PRPSAP2: variants seen among roughly 807,000 people sequenced by gnomAD.
The protein encoded by PRPSAP2 is phosphoribosyl pyrophosphate synthase-associated protein 2.
In PRPSAP2, 24 loss-of-function variants were observed where a neutral mutation model predicts 40.6. The observed-to-expected ratio is 0.59, with a 90% CI of 0.43 to 0.83. The LOEUF (loss-of-function observed/expected upper bound fraction) is 0.83, where lower values mean the gene tolerates loss of function less well. Ranked by LOEUF, PRPSAP2 falls within the 40% of genes least tolerant of loss-of-function variation. The pLI, the probability that PRPSAP2 is intolerant of heterozygous loss-of-function variation, is 0.00. For synonymous variants in PRPSAP2, 149 were observed against 164.7 expected, an observed-to-expected ratio of 0.90 and a Z score of 0.73; for missense variants, 292 against 465.6, an observed-to-expected ratio of 0.63 and a Z score of 3.43.
chr17:18,917,605 T>TA (rs1272083524), intron 9 of PRPSAP2: 23 of 115,136 alleles, frequency 2.0e-4, no homozygotes, highest in Non-Finnish European at 3.9e-4. Context: ...TTTTTTTTTT[T>TA]TTTTTTTTTT....
At chr17:18,927,939 T>C (rs11658590) in intron 10 of PRPSAP2, among the ~76,000 whole-genome samples, 9,750 of 152,150 alleles carry the variant, frequency 0.064, 456 homozygotes, top group Middle Eastern at 0.12. Context: ...CCTCCATGCA[T>C]GGCTAATTTT....
At chr17:18,883,371 C>T (rs1188965369) in intron 7 of PRPSAP2, among the ~76,000 whole-genome samples, 1 of 147,982 alleles carries the variant, frequency 6.8e-6, no homozygotes, top group Non-Finnish European at 1.5e-5. Context: ...TTATACTGTA[C>T]TTAGCTATTT....
intron 10 of PRPSAP2, among the ~76,000 whole-genome samples, chr17:18,925,344 T>C (rs1237565280): frequency 6.6e-6 from 1 of 152,230 alleles, no homozygotes; most frequent in Non-Finnish European, 1.5e-5. Flanking sequence ...CCTCAGAGGT[T>C]GTCACTGATG....
At chr17:18,892,916 TG>T (rs1322829926) in intron 8 of PRPSAP2, among the ~76,000 whole-genome samples, 1 of 151,568 alleles carries the variant, frequency 6.6e-6, no homozygotes, top group African/African-American at 2.4e-5. Flanking sequence ...TATATTTTTA[TG>T]TGCTTTTTGG....
chr17:18,913,664 C>A (rs1228732492), intron 9 of PRPSAP2, among the ~76,000 whole-genome samples: 1 of 148,412 alleles, frequency 6.7e-6, no homozygotes, highest in African/African-American at 2.5e-5. Context: ...CCTCCCACTT[C>A]AGCCTCATGA....
intron 8 of PRPSAP2, among the ~76,000 whole-genome samples, chr17:18,903,220 G>A (rs1047832556): frequency 6.6e-6 from 1 of 151,460 alleles, no homozygotes; most frequent in Non-Finnish European, 1.5e-5. Context: ...CTGAGGTCAG[G>A]AGAATTGCTT....
At chr17:18,883,622 G>T (rs1034069719) in intron 7 of PRPSAP2, among the ~76,000 whole-genome samples, 1 of 151,900 alleles carries the variant, frequency 6.6e-6, no homozygotes, top group Non-Finnish European at 1.5e-5. Flanking sequence ...CGCTGACCTC[G>T]TGATCTGCCT....
chr17:18,909,456 G>A (rs1311771404), intron 8 of PRPSAP2, among the ~76,000 whole-genome samples: 1 of 151,770 alleles, frequency 6.6e-6, no homozygotes, highest in Non-Finnish European at 1.5e-5. Context: ...GTGTTAGCCA[G>A]GATGGTCTTG....
At chr17:18,893,392 G>T (rs1217307467) in intron 8 of PRPSAP2, among the ~76,000 whole-genome samples, 1 of 151,528 alleles carries the variant, frequency 6.6e-6, no homozygotes, top group African/African-American at 2.4e-5. Flanking sequence ...CTCGTGATCC[G>T]CCTGCCTTGG....
At chr17:18,907,251 G>T (rs2040652229) in intron 8 of PRPSAP2, among the ~76,000 whole-genome samples, 2 of 152,090 alleles carry the variant, frequency 1.3e-5, no homozygotes. Context: ...CAGGAATCAG[G>T]AGTGGCTGTA....
rs1201494941 is a variant in PRPSAP2, at chr17:18,911,516, A to G, written c.733+265A>G. Among the ~76,000 whole-genome samples the G allele has an allele frequency of 6.6e-6, 1 of 152,176 alleles. No homozygotes were observed. Among genetic ancestry groups the G allele is most frequent in the Non-Finnish European group, 1.5e-5 (1 of 68,022 alleles). On this transcript the variant is annotated intron_variant, in intron 9 of 11. Coordinates refer to ENST00000268835, the MANE Select transcript of PRPSAP2 (RefSeq NM_002767.4). This position sits in a 1 kb window ranked among gnomAD's most constrained non-coding sequence, Gnocchi z 4.5. Reference sequence around the variant, plus strand: ...TGCAATGCTTCAGGGAAGTCCATTCATTCATTCAGCAGTATATACTAGAGT... The same window carrying G: ...TGCAATGCTTCAGGGAAGTCCATTCGTTCATTCAGCAGTATATACTAGAGT...
chr17:18,909,294 T>G (rs2040807233), intron 8 of PRPSAP2, among the ~76,000 whole-genome samples: 2 of 143,918 alleles, frequency 1.4e-5, no homozygotes, highest in Admixed American at 7.5e-5. Flanking sequence ...CAGGCTGGAG[T>G]GCATTGGCAC....
intron 6 of PRPSAP2, among the ~76,000 whole-genome samples, chr17:18,881,516 G>A (rs1567692248): frequency 6.6e-6 from 1 of 152,022 alleles, no homozygotes; most frequent in African/African-American, 2.4e-5. Context: ...GGGATTACAG[G>A]CGTGAGCCAC....
rs754467494 is a variant in PRPSAP2, at chr17:18,872,667, G to A, written c.239+18G>A. ...GTTTCGAAGTGAGTATCCAGCAAAA[G>A]TGTTGCTTTCTGGGTTTCAGTTTAG... On this transcript the variant is annotated intron_variant, in intron 5 of 11. Coordinates refer to ENST00000268835, the MANE Select transcript of PRPSAP2 (RefSeq NM_002767.4). 6 of 1,565,498 alleles carry A rather than the reference G, an allele frequency of 3.8e-6. No homozygotes were observed. In the African/African-American group the frequency reaches 8.1e-5, roughly 21 times the overall value.
At position 18,887,623 on chromosome 17, in the gene PRPSAP2, G is replaced by T. The variant is rs150582192; in HGVS notation, c.529-2199G>T. ...GAACTATTAGGTCCTGAAAATTTTG[G>T]ATCTAGTCTCTATAACTTTTAAAAA... is the stretch of plus-strand genomic sequence containing the variant. On this transcript the variant is annotated intron_variant, in intron 7 of 11. Coordinates refer to ENST00000268835, the MANE Select transcript of PRPSAP2 (RefSeq NM_002767.4). Among the ~76,000 whole-genome samples, 706 of 152,124 alleles carry T rather than the reference G, an allele frequency of 4.6e-3. 2 individuals carry two copies. The highest frequency in any genetic ancestry group is 5.1e-3 in the Non-Finnish European group (344 of 67,982).
intron 9 of PRPSAP2, among the ~76,000 whole-genome samples, chr17:18,919,294 G>C (rs749161292): frequency 1.3e-5 from 2 of 152,148 alleles, no homozygotes; most frequent in African/African-American, 2.4e-5. Flanking sequence ...GGATCATGAG[G>C]TCAGGAGTTC....
chr17:18,911,157 GGCGCAGGATGCC>G lies in PRPSAP2; in HGVS notation c.641_652del (p.Ala214_Ala217del), dbSNP rs772678011. ...TGGGAATTGCAGTGATTCATGGAGAGGCGCAGGATGCCGAGTCGGACTTGGTGGATGGACGGC... is the reference window on the plus strand; with the variant it reads ...TGGGAATTGCAGTGATTCATGGAGAGGAGTCGGACTTGGTGGATGGACGGC... On this transcript the variant is annotated inframe_deletion, in exon 9 of 12. Coordinates refer to ENST00000268835, the MANE Select transcript of PRPSAP2 (RefSeq NM_002767.4). This position sits in a 1 kb window ranked among gnomAD's most constrained non-coding sequence, Gnocchi z 4.5. 6.2e-7 allele frequency: 1 copy of G among 1,613,902 alleles called. No individual in the cohort carries two copies. Among genetic ancestry groups the G allele is most frequent in the Non-Finnish European group, 8.5e-7 (1 of 1,179,928 alleles).
At chr17:18,928,477 A>G (rs567573588) in intron 10 of PRPSAP2, 3 of 302,758 alleles carry the variant, frequency 9.9e-6, no homozygotes, top group African/African-American at 6.4e-5. Flanking sequence ...AAAGAAAATT[A>G]TACCTCCATC....
intron 7 of PRPSAP2, among the ~76,000 whole-genome samples, chr17:18,887,761 A>G (rs1240121069): frequency 6.6e-6 from 1 of 151,512 alleles, no homozygotes; most frequent in Non-Finnish European, 1.5e-5. Flanking sequence ...CCAGCCAGCT[A>G]CTGGGTTTCT....
Sources: gnomAD v4.1 joint callset for allele counts (sites outside exome capture counted in the v4.1 genomes callset) on GRCh38, gnomAD v4.1.1 for gene constraint, Gnocchi (gnomAD v3.1) non-coding constraint, MANE v1.5 for transcripts, NCBI Gene and HGNC (gene_info 2026-07-23, HGNC 2026-07-21) for gene names.